Variants in PDE6A observed in about 807,000 individuals in gnomAD.
PDE6A encodes phosphodiesterase 6A.
Under a neutral mutation model 106.3 loss-of-function variants are expected in PDE6A, and 84 were observed. That is an observed-to-expected ratio of 0.79 (90% CI 0.66 to 0.95). The LOEUF (loss-of-function observed/expected upper bound fraction) is 0.95. Ranked by LOEUF, PDE6A falls within the 40% of genes least tolerant of loss-of-function variation. PDE6A has a pLI of 0.00. For missense variants in PDE6A, 1,052 were observed against 1,084.9 expected (o/e 0.97, Z 0.43); for synonymous variants, 394 against 386.6 (o/e 1.02, Z -0.23).
At chr5:149,864,491 C>T (rs1415844556) in intron 20 of PDE6A, among the ~76,000 whole-genome samples, 2 of 152,138 alleles carry the variant, frequency 1.3e-5, no homozygotes, top group Non-Finnish European at 2.9e-5. Flanking sequence ...ATCCACCTGC[C>T]TTGGCCTCCC....
chr5:149,859,751 TG>T lies in PDE6A; in HGVS notation c.*1143del, dbSNP rs1378421090. The T allele has an allele frequency of 2.0e-5, 3 of 152,330 alleles. No individual in the cohort carries two copies. Among genetic ancestry groups the T allele is most frequent in the African/African-American group, 7.2e-5 (3 of 41,448 alleles). The allele number at this position is 152,330 out of a possible 1,614,324, so 9.4% of individuals were successfully genotyped here. A position where few individuals can be genotyped will look rare whatever the true frequency, so the allele number is the denominator to read the frequency against. On this transcript the variant is annotated 3_prime_UTR_variant, in exon 22 of 22. Coordinates refer to ENST00000255266, the MANE Select transcript of PDE6A (RefSeq NM_000440.3). ...GGGTCCCAAGTCCTTTGCTGAAGCT[TG>T]GGGTCTGTGCAGCCCATCAAAGCAT...
intron 7 of PDE6A, among the ~76,000 whole-genome samples, chr5:149,905,088 C>A (rs1480448237): frequency 6.6e-6 from 1 of 152,174 alleles, no homozygotes; most frequent in Non-Finnish European, 1.5e-5. Flanking sequence ...TGCTGCATGT[C>A]ATCATTTCCT....
chr5:149,863,397 C>G lies in PDE6A; in HGVS notation c.2359-131G>C. 1 of 877,882 alleles carries G rather than the reference C, an allele frequency of 1.1e-6. No individual in the cohort carries two copies. The highest frequency in any genetic ancestry group is 1.8e-6 in the Non-Finnish European group (1 of 544,122). 54.4% of individuals were successfully genotyped at this position (877,882 alleles called of 1,614,324 possible). A position where few individuals can be genotyped will look rare whatever the true frequency, so the allele number is the denominator to read the frequency against. On this transcript the variant is annotated intron_variant, in intron 20 of 21. Coordinates refer to ENST00000255266, the MANE Select transcript of PDE6A (RefSeq NM_000440.3). The surrounding 1 kb of genome is among the most constrained non-coding windows in gnomAD (Gnocchi z 4.7). The stretch of plus-strand genomic sequence containing the variant: ...GAGTAGCAGGCCTCCCGCCACCGTG[C>G]TGATACTGCAGGGCCTCCGGTCTAC...
intron 20 of PDE6A, among the ~76,000 whole-genome samples, chr5:149,864,008 C>T (rs1760237175): frequency 6.6e-6 from 1 of 152,160 alleles, no homozygotes; most frequent in Non-Finnish European, 1.5e-5. Context: ...TCCAAGAAGC[C>T]TCTTCTGGCC....
intron 15 of PDE6A, 59 bp downstream of exon 15, chr5:149,884,721 G>A (rs1302463553): frequency 6.6e-7 from 1 of 1,515,304 alleles, no homozygotes; most frequent in East Asian, 2.2e-5. Flanking sequence ...CAGGCTCCTT[G>A]TGAAATAGAG....
chr5:149,904,191 G>A (rs1001043941), intron 7 of PDE6A, among the ~76,000 whole-genome samples: 9 of 152,222 alleles, frequency 5.9e-5, no homozygotes, highest in African/African-American at 2.2e-4. Context: ...AGGTTGCAGT[G>A]AGCCGAGATC....
intron 9 of PDE6A, among the ~76,000 whole-genome samples, chr5:149,899,123 T>C (rs1472483374): frequency 6.6e-6 from 1 of 152,204 alleles, no homozygotes. Flanking sequence ...TGCCTCAACC[T>C]CTCAAAGTGC....
chr5:149,899,638 T>C, intron 8 of PDE6A, 114 bp from the exon 9 acceptor site: 1 of 975,626 alleles, frequency 1.0e-6, no homozygotes, highest in Non-Finnish European at 1.7e-6. Flanking sequence ...GGCAAGAGGA[T>C]GGAGTTCATT....
At chr5:149,906,519 C>CAGAAAAAAAAAAAAAAAAAA (rs1753188417) in intron 7 of PDE6A, among the ~76,000 whole-genome samples, 1 of 54,204 alleles carries the variant, frequency 1.8e-5, no homozygotes, top group Non-Finnish European at 4.0e-5. Context: ...GAGACACTGT[C>CAGAAAAAAAAAAAAAAAAAA]AAAAAAAAAA....
chr5:149,924,337 C>T (rs1005376956), intron 4 of PDE6A, among the ~76,000 whole-genome samples: 6 of 151,778 alleles, frequency 4.0e-5, no homozygotes, highest in African/African-American at 1.5e-4. Context: ...AAGATTGTCC[C>T]AAGGAGAAGA....
intron 17 of PDE6A, among the ~76,000 whole-genome samples, chr5:149,874,621 C>A (rs553995684): frequency 6.6e-6 from 1 of 152,164 alleles, no homozygotes; most frequent in Non-Finnish European, 1.5e-5. Context: ...TTAACTCAAT[C>A]TCCAGCCTCT....
At chr5:149,910,040 T>C (rs534723486) in intron 6 of PDE6A, among the ~76,000 whole-genome samples, 1 of 152,306 alleles carries the variant, frequency 6.6e-6, no homozygotes, top group African/African-American at 2.4e-5. Flanking sequence ...TATATCTCCT[T>C]GTATTTCTGT....
Position 149,914,971 on chromosome 5 carries a change from G to T in PDE6A, c.970C>A (p.His324Asn). 6.2e-7 allele frequency: 1 copy of T among 1,609,696 alleles called. No individual in the cohort carries two copies. Among genetic ancestry groups the T allele is most frequent in the Non-Finnish European group, 8.5e-7 (1 of 1,176,618 alleles). Residue 324 changes from histidine (H) to asparagine (N), a missense_variant, in exon 6 of 22, where the codon CAT becomes AAT. His to Asn is a moderately conservative substitution (Grantham distance 68). Coordinates refer to ENST00000255266, the MANE Select transcript of PDE6A (RefSeq NM_000440.3). Reference sequence around the variant, plus strand: ...ATGACTTTGATGTCCTCTTTGCCATGCAGGATGTAGTCAATGACCTTGTAA... The same window carrying T: ...ATGACTTTGATGTCCTCTTTGCCATTCAGGATGTAGTCAATGACCTTGTAA... ...NFYKVIDYIL[H>N]GKEDIKVIPN...
chr5:149,933,312 A>G (rs1400787512), intron 3 of PDE6A, among the ~76,000 whole-genome samples: 1 of 152,174 alleles, frequency 6.6e-6, no homozygotes, highest in African/African-American at 2.4e-5. Flanking sequence ...AAAAATAGAG[A>G]TGGGGTCTTA....
intron 17 of PDE6A, among the ~76,000 whole-genome samples, chr5:149,881,867 A>G (rs1760937740): frequency 6.6e-6 from 1 of 152,090 alleles, no homozygotes; most frequent in African/African-American, 2.4e-5. Flanking sequence ...CAGCCTAGGC[A>G]ACATGGCAAA....
At chr5:149,919,542 C>T (rs1371975633) in intron 5 of PDE6A, among the ~76,000 whole-genome samples, 1 of 152,106 alleles carries the variant, frequency 6.6e-6, no homozygotes, top group Non-Finnish European at 1.5e-5. Flanking sequence ...TGGAATCCCA[C>T]AGGAGAAAAA....
At chr5:149,875,485 C>CTTTTTTTTTTTTTTTTTTTTT (rs1438091330) in intron 17 of PDE6A, among the ~76,000 whole-genome samples, 1 of 148,204 alleles carries the variant, frequency 6.7e-6, no homozygotes, top group South Asian at 2.1e-4. Flanking sequence ...TACATACTGA[C>CTTTTTTTTTTTTTTTTTTTTT]TATTTTTTTT....
intron 1 of PDE6A, 112 bp from the exon 2 acceptor site, chr5:149,934,830 A>C (rs1175410823): frequency 2.0e-6 from 2 of 999,272 alleles, no homozygotes; most frequent in Non-Finnish European, 3.1e-6. Context: ...ATTCCTCTTC[A>C]ACAGGGGCAG....
intron 1 of PDE6A, among the ~76,000 whole-genome samples, chr5:149,937,198 C>A (rs2113664767): frequency 6.6e-6 from 1 of 152,170 alleles, no homozygotes; most frequent in Non-Finnish European, 1.5e-5. Context: ...ACGGAGCATG[C>A]AAAGGCCAGC....
Sources: gnomAD v4.1 joint callset for allele counts (sites outside exome capture counted in the v4.1 genomes callset) on GRCh38, gnomAD v4.1.1 for gene constraint, Gnocchi (gnomAD v3.1) non-coding constraint, MANE v1.5 for transcripts, NCBI Gene and HGNC (gene_info 2026-07-23, HGNC 2026-07-21) for gene names.